Variants in UTRN observed in about 807,000 individuals in gnomAD.
The protein encoded by UTRN is utrophin, also known as dystrophin-related protein 1.
In UTRN, 283 loss-of-function variants were observed where a neutral mutation model predicts 463.9. That is an observed-to-expected ratio of 0.61 (90% confidence interval 0.55 to 0.67). UTRN has a LOEUF of 0.67. Ranked by LOEUF, UTRN falls within the 30% of genes least tolerant of loss-of-function variation. UTRN has a pLI of 0.00. For synonymous variants in UTRN, 1,442 were observed against 1,431.5 expected (o/e 1.01, Z -0.17); for missense variants, 3,922 against 4,084.3 (o/e 0.96, Z 1.08).
intron 64 of UTRN, among the ~76,000 whole-genome samples, chr6:144,800,382 G>A (rs540162070): frequency 1.3e-5 from 2 of 152,266 alleles, no homozygotes; most frequent in South Asian, 4.1e-4. Flanking sequence ...TGAACAACCT[G>A]AAGTGTTAAA....
chr6:144,814,171 C>A (rs1778874964), intron 65 of UTRN, among the ~76,000 whole-genome samples: 1 of 152,120 alleles, frequency 6.6e-6, no homozygotes, highest in South Asian at 2.1e-4. Flanking sequence ...GTGATTAGGT[C>A]ATGAGGATGG....
intron 53 of UTRN, among the ~76,000 whole-genome samples, chr6:144,712,588 T>C (rs556036327): frequency 6.6e-5 from 10 of 152,378 alleles, no homozygotes; most frequent in Non-Finnish European, 1.0e-4. Context: ...TTGTACCTGA[T>C]GTTTGCTGCA....
At chr6:144,403,054 T>C in intron 2 of UTRN, 69 bp from the exon 3 acceptor site, 1 of 1,406,170 alleles carries the variant, frequency 7.1e-7, no homozygotes, top group Non-Finnish European at 9.9e-7. Flanking sequence ...AGAGATAACC[T>C]TATTTGGTGC....
At chr6:144,353,541 A>G (rs1272949867) in intron 2 of UTRN, among the ~76,000 whole-genome samples, 1 of 151,970 alleles carries the variant, frequency 6.6e-6, no homozygotes, top group Non-Finnish European at 1.5e-5. Context: ...AACAGGCGTG[A>G]GCCACTGTGC....
At chr6:144,602,715 T>TCACTGAA (rs1408817147) in intron 51 of UTRN, among the ~76,000 whole-genome samples, 1 of 152,180 alleles carries the variant, frequency 6.6e-6, no homozygotes, top group Non-Finnish European at 1.5e-5. Context: ...CAAGCACTAC[T>TCACTGAA]CACTGAACAC....
chr6:144,677,577 C>T lies in UTRN; in HGVS notation c.7480-829C>T, dbSNP rs149570321. ...TGTAAATAGTGCTGCAGTAAACATA[C>T]ATGTGCATTTGTCTGTATGGTAGAA... is the stretch of plus-strand genomic sequence containing the variant. On this transcript the variant is annotated intron_variant, in intron 51 of 74. Coordinates refer to ENST00000367545, the MANE Select transcript of UTRN (RefSeq NM_007124.3). 3.3e-5 allele frequency among the ~76,000 whole-genome samples: 5 copies of T among 152,264 alleles called. No individual in the cohort carries two copies. In the East Asian group the frequency reaches 9.6e-4, roughly 29 times the overall value.
rs377646214 is a variant in UTRN, at chr6:144,557,337, A to G, written c.7289+26A>G. ...GTAAGTCTAAGGCCCTGGCAGGTAAATGTATATTGTCAAGTTGAGAATTTG... is the reference window on the plus strand; with the variant it reads ...GTAAGTCTAAGGCCCTGGCAGGTAAGTGTATATTGTCAAGTTGAGAATTTG... On this transcript the variant is annotated intron_variant, in intron 50 of 74. Transcript: ENST00000367545. The G allele has an allele frequency of 1.7e-5, 27 of 1,595,502 alleles. No homozygotes were observed. The South Asian group carries it at 2.6e-4, about 15-fold the overall frequency.
chr6:144,466,110 C>G (rs369574356), intron 23 of UTRN, among the ~76,000 whole-genome samples: 1 of 152,184 alleles, frequency 6.6e-6, no homozygotes, highest in Non-Finnish European at 1.5e-5. Flanking sequence ...ATTGCTAATT[C>G]CAATCATTTT....
At chr6:144,746,313 A>G (rs1380294488) in intron 54 of UTRN, among the ~76,000 whole-genome samples, 3 of 151,802 alleles carry the variant, frequency 2.0e-5, no homozygotes, top group Non-Finnish European at 4.4e-5. Flanking sequence ...TAGATATCTT[A>G]AAGGTATAAG....
chr6:144,624,678 C>T (rs760613915), intron 51 of UTRN, among the ~76,000 whole-genome samples: 15 of 152,090 alleles, frequency 9.9e-5, no homozygotes, highest in Non-Finnish European at 1.6e-4. Flanking sequence ...GAGGAGTTTT[C>T]GGCTTCATTG....
intron 73 of UTRN, among the ~76,000 whole-genome samples, chr6:144,841,040 A>G (rs945296738): frequency 2.0e-5 from 3 of 152,230 alleles, no homozygotes; most frequent in South Asian, 2.1e-4. Flanking sequence ...TCGCAACGCA[A>G]TTCTGCTCTT....
chr6:144,680,776 G>T (rs544166254), intron 52 of UTRN, among the ~76,000 whole-genome samples: 1 of 152,262 alleles, frequency 6.6e-6, no homozygotes, highest in African/African-American at 2.4e-5. Flanking sequence ...GATAGTCTAG[G>T]TGATGACTGG....
chr6:144,546,817 A>G (rs923087626), intron 46 of UTRN, among the ~76,000 whole-genome samples: 1 of 133,064 alleles, frequency 7.5e-6, no homozygotes, highest in Non-Finnish European at 1.5e-5. Flanking sequence ...TCAAAGAAAA[A>G]ACAAACAAAC....
chr6:144,606,171 A>G (rs992813139), intron 51 of UTRN, among the ~76,000 whole-genome samples: 1 of 152,246 alleles, frequency 6.6e-6, no homozygotes, highest in Non-Finnish European at 1.5e-5. Context: ...TTGTAAAACA[A>G]TGTTTGACAT....
intron 10 of UTRN, 40 bp from the exon 11 acceptor site, chr6:144,437,525 C>G: frequency 6.8e-7 from 1 of 1,470,690 alleles, no homozygotes; most frequent in Non-Finnish European, 9.0e-7. Context: ...TTTTTTTTTG[C>G]ACTGAGTAGC....
At chr6:144,612,012 C>T (rs1202642804) in intron 51 of UTRN, among the ~76,000 whole-genome samples, 2 of 152,092 alleles carry the variant, frequency 1.3e-5, no homozygotes, top group Non-Finnish European at 2.9e-5. Flanking sequence ...GTCATAAAAT[C>T]GGCATGCAAT....
chr6:144,448,710 G>C lies in UTRN; in HGVS notation c.2013G>C (p.Leu671=), dbSNP rs753488110. ...QAITKKSKQE[L]PPPPPPKKRQ... ...TTACAAAAAAATCTAAGCAGGAACTGCCTCCTCCTCCTCCCCCAAAGAAGA... is the reference window on the plus strand; with the variant it reads ...TTACAAAAAAATCTAAGCAGGAACTCCCTCCTCCTCCTCCCCCAAAGAAGA... The change falls in exon 17 of 75, where the codon CTG becomes CTC. Residue 671 remains leucine (L), a synonymous_variant. Coordinates refer to ENST00000367545, the MANE Select transcript of UTRN (RefSeq NM_007124.3). 5 of 1,613,874 alleles carry C rather than the reference G, an allele frequency of 3.1e-6. No homozygotes were observed. Among genetic ancestry groups the C allele is most frequent in the Non-Finnish European group, 4.2e-6 (5 of 1,179,920 alleles).
At chr6:144,722,360 C>T (rs756944203) in intron 53 of UTRN, among the ~76,000 whole-genome samples, 8 of 151,818 alleles carry the variant, frequency 5.3e-5, no homozygotes, top group African/African-American at 9.7e-5. Context: ...GATGCCTTCC[C>T]TGACCACTTA....
chr6:144,514,504 C>T (rs1585080659), intron 36 of UTRN, 146 bp from the exon 37 acceptor site: 1 of 792,702 alleles, frequency 1.3e-6, no homozygotes, highest in Non-Finnish European at 2.0e-6. Context: ...CCTATGTGAA[C>T]AGCTCTCACC....
Sources: gnomAD v4.1 joint callset for allele counts (sites outside exome capture counted in the v4.1 genomes callset) on GRCh38, gnomAD v4.1.1 for gene constraint, MANE v1.5 for transcripts, NCBI Gene and HGNC (gene_info 2026-07-23, HGNC 2026-07-21) for gene names.